Variants in LGR4 observed in about 807,000 individuals in gnomAD.
LGR4 encodes the protein leucine-rich repeat-containing G protein-coupled receptor 4.
Under a neutral mutation model 84.8 loss-of-function variants are expected in LGR4, and 44 were observed. That is an observed-to-expected ratio of 0.52 (90% CI 0.41 to 0.67). LGR4 has a LOEUF of 0.67. LGR4 is among the 30% of genes least tolerant of loss of function. The pLI is 0.00. For synonymous variants in LGR4, 429 were observed against 434.3 expected (o/e 0.99, Z 0.15); for missense variants, 1,032 against 1,131.4 (o/e 0.91, Z 1.26).
intron 15 of LGR4, 92 bp from the exon 16 acceptor site, chr11:27,372,490 G>T: frequency 1.3e-6 from 1 of 770,874 alleles, no homozygotes; most frequent in Non-Finnish European, 2.2e-6. Context: ...GAAAACCTCA[G>T]CCTAGGAGTC....
chr11:27,432,008 T>A (rs972752994), intron 1 of LGR4, among the ~76,000 whole-genome samples: 1 of 152,300 alleles, frequency 6.6e-6, no homozygotes, highest in South Asian at 2.1e-4. Context: ...CTATGCACAT[T>A]GATTGTAATA....
chr11:27,458,751 C>T (rs1021426647), intron 1 of LGR4, among the ~76,000 whole-genome samples: 1 of 152,070 alleles, frequency 6.6e-6, no homozygotes, highest in East Asian at 1.9e-4. Context: ...GTTGGCCAGG[C>T]TGGTCTCGAA....
chr11:27,452,824 G>A (rs1242493298), intron 1 of LGR4, among the ~76,000 whole-genome samples: 2 of 148,564 alleles, frequency 1.3e-5, no homozygotes, highest in Admixed American at 6.7e-5. Flanking sequence ...TAGTAGAGAC[G>A]GTGTTTCACT....
At chr11:27,444,899 A>G (rs1288220640) in intron 1 of LGR4, among the ~76,000 whole-genome samples, 1 of 152,186 alleles carries the variant, frequency 6.6e-6, no homozygotes, top group Non-Finnish European at 1.5e-5. Context: ...CAATTCACCA[A>G]AGGGGAGTGG....
intron 2 of LGR4, 21 bp from the exon 3 acceptor site, chr11:27,392,539 A>T: frequency 6.7e-7 from 1 of 1,497,802 alleles, no homozygotes; most frequent in East Asian, 2.3e-5. Context: ...AAAAAAAAAA[A>T]GTAGCAAGAA....
At chr11:27,427,920 G>C (rs1252010681) in intron 1 of LGR4, among the ~76,000 whole-genome samples, 1 of 151,800 alleles carries the variant, frequency 6.6e-6, no homozygotes, top group Non-Finnish European at 1.5e-5. Flanking sequence ...CACAGAAATG[G>C]ACCCTCTTTC....
intron 2 of LGR4, 90 bp downstream of exon 2, chr11:27,412,699 C>G: frequency 2.4e-6 from 2 of 826,556 alleles, no homozygotes; most frequent in Middle Eastern, 2.2e-4. Context: ...GAATGTCTAA[C>G]AGAAAACATC....
Position 27,367,147 on chromosome 11 carries a change from G to A in LGR4, c.*720C>T, listed in dbSNP as rs1862779602. ...CAATTAGCCTTTTACTTTTTTTCTA[G>A]TAGTGTAATCACAAAACACTTAAGA... is the stretch of plus-strand genomic sequence containing the variant. On this transcript the variant is annotated 3_prime_UTR_variant, in exon 18 of 18. Coordinates refer to ENST00000379214, the MANE Select transcript of LGR4 (RefSeq NM_018490.5). 6.6e-6 allele frequency: 1 copy of A among 152,096 alleles called. No individual in the cohort carries two copies. Among genetic ancestry groups the A allele is most frequent in the South Asian group, 2.1e-4 (1 of 4,832 alleles). 9.4% of individuals were successfully genotyped at this position (152,096 alleles called of 1,614,324 possible).
At chr11:27,419,647 T>C (rs1315656991) in intron 1 of LGR4, among the ~76,000 whole-genome samples, 2 of 147,968 alleles carry the variant, frequency 1.4e-5, no homozygotes, top group Non-Finnish European at 3.0e-5. Context: ...ATTATATATA[T>C]ACACATATAT....
intron 2 of LGR4, among the ~76,000 whole-genome samples, chr11:27,402,616 A>C (rs1158798034): frequency 6.6e-6 from 1 of 152,194 alleles, no homozygotes; most frequent in East Asian, 1.9e-4. Context: ...CTAGTAATAA[A>C]GTAAGAAAAG....
At chr11:27,393,900 C>G (rs1863331024) in intron 2 of LGR4, among the ~76,000 whole-genome samples, 1 of 128,422 alleles carries the variant, frequency 7.8e-6, no homozygotes, top group Non-Finnish European at 1.5e-5. Context: ...AAGTGTAATC[C>G]TTACCTAGCA....
chr11:27,377,078 A>G, intron 12 of LGR4, 80 bp downstream of exon 12: 1 of 759,422 alleles, frequency 1.3e-6, no homozygotes, highest in South Asian at 1.7e-5. Flanking sequence ...TTACTATTAA[A>G]GCCATCTATT....
chr11:27,372,777 T>C (rs1862909597), intron 15 of LGR4, among the ~76,000 whole-genome samples: 2 of 152,342 alleles, frequency 1.3e-5, no homozygotes, highest in Middle Eastern at 3.4e-3. Flanking sequence ...CCCCAGGTCA[T>C]TTGTGACTTT....
intron 2 of LGR4, among the ~76,000 whole-genome samples, chr11:27,408,012 GA>G (rs1349953536): frequency 6.6e-6 from 1 of 152,084 alleles, no homozygotes; most frequent in East Asian, 1.9e-4. Flanking sequence ...CCTTGATACA[GA>G]ATATTATATA....
At position 27,378,752 on chromosome 11, in the gene LGR4, T is replaced by G. The variant is rs770556748; in HGVS notation, c.988A>C (p.Lys330Gln). The change falls in exon 11 of 18, where the codon AAG (lysine) becomes CAG (glutamine). Residue 330 changes from lysine (K) to glutamine (Q), a missense_variant. Coordinates refer to ENST00000379214, the MANE Select transcript of LGR4 (RefSeq NM_018490.5). ...AAATTATTAGGTATGCTGCTTATCT[T>G]TGTACCTGTCAAAGTCCTGCGGAAA... is the stretch of plus-strand genomic sequence containing the variant. ...HLESLTLTGT[K>Q]ISSIPNNLCQ... The G allele has an allele frequency of 6.2e-7, 1 of 1,611,600 alleles. No homozygotes were observed. Among genetic ancestry groups the G allele is most frequent in the African/African-American group, 1.3e-5 (1 of 74,928 alleles).
chr11:27,459,401 G>C (rs1354293608), intron 1 of LGR4, among the ~76,000 whole-genome samples: 1 of 152,034 alleles, frequency 6.6e-6, no homozygotes, highest in Non-Finnish European at 1.5e-5. Flanking sequence ...TCTTATCCTT[G>C]GATGTCACAG....
Position 27,380,879 on chromosome 11 carries a change from T to C in LGR4, c.830+16A>G. 1 of 1,473,536 alleles carries C rather than the reference T, an allele frequency of 6.8e-7. No homozygotes were observed. The highest frequency in any genetic ancestry group is 9.5e-7 in the Non-Finnish European group (1 of 1,055,194). 91.3% of individuals were successfully genotyped at this position (1,473,536 alleles called of 1,614,324 possible). A position where few individuals can be genotyped will look rare whatever the true frequency, so the allele number is the denominator to read the frequency against. ...CACATAATTATACATTAAAAGAAAC[T>C]TTCAAAAATACTTACATAGTTCTTA... On this transcript the variant is annotated intron_variant, in intron 8 of 17. Transcript: ENST00000379214.
At chr11:27,418,581 G>C (rs1467809121) in intron 1 of LGR4, among the ~76,000 whole-genome samples, 2 of 152,146 alleles carry the variant, frequency 1.3e-5, no homozygotes, top group Non-Finnish European at 2.9e-5. Flanking sequence ...GAATCCTTAA[G>C]AGGACAGATG....
chr11:27,431,190 G>A (rs571128883), intron 1 of LGR4, among the ~76,000 whole-genome samples: 6 of 152,012 alleles, frequency 3.9e-5, no homozygotes, highest in Admixed American at 6.6e-5. Context: ...ACTGAGCGAG[G>A]GGTTCTCAGA....
Sources: allele counts gnomAD v4.1 joint callset (sites outside exome capture counted in the v4.1 genomes callset), GRCh38; gene constraint gnomAD v4.1.1; transcripts MANE v1.5; gene names NCBI Gene and HGNC (gene_info 2026-07-23, HGNC 2026-07-21).